The following RLF variants were observed in gnomAD, a reference collection of about 807,000 sequenced individuals.
RLF encodes the protein zinc finger protein Rlf.
In RLF, 7 loss-of-function variants were observed where a neutral mutation model predicts 162.9. The observed-to-expected ratio is 0.04, with a 90% CI of 0.02 to 0.08. The LOEUF is 0.08. Among genes scored for constraint, RLF ranks in the 10% least tolerant of loss-of-function variants. The probability of loss-of-function intolerance (pLI) is 1.00; values close to 1 mark genes in which losing one functional copy is unlikely to be tolerated. For synonymous variants in RLF, 782 were observed against 791.5 expected (o/e 0.99, Z 0.20); for missense variants, 1,664 against 2,244.7 (o/e 0.74, Z 5.23).
In RLF at chr1:40,240,780, A is replaced by C. The variant is rs1366198958; in HGVS notation, c.*333A>C. The C allele has an allele frequency of 4.6e-6, 1 of 218,602 alleles. No individual in the cohort carries two copies. The highest frequency in any genetic ancestry group is 9.1e-6 in the Non-Finnish European group (1 of 109,400). The allele number at this position is 218,602 out of a possible 1,614,324, so 13.5% of individuals were successfully genotyped here. On this transcript the variant is annotated 3_prime_UTR_variant, in exon 8 of 8. Coordinates refer to ENST00000372771, the MANE Select transcript of RLF (RefSeq NM_012421.4). ...TATATGGAACAAATACTAAGGTCCC[A>C]GGGTGGGAGGGCTAGGGAAAGGGAT...
intron 4 of RLF, 83 bp downstream of exon 4, chr1:40,195,847 C>T: frequency 7.9e-7 from 1 of 1,259,912 alleles, no homozygotes; most frequent in Non-Finnish European, 1.1e-6. Context: ...GGGAATTTAA[C>T]TTGTGTATAT....
intron 6 of RLF, among the ~76,000 whole-genome samples, chr1:40,228,185 C>CTGAGGCAGGAGAATTGCTTGAACT (rs1643103256): frequency 6.6e-6 from 1 of 151,700 alleles, no homozygotes; most frequent in Admixed American, 6.6e-5. Flanking sequence ...ACTCAGGAGG[C>CTGAGGCAGGAGAATTGCTTGAACT]TGAGGCAGGA....
Position 40,222,557 on chromosome 1 carries a change from C to T in RLF, c.811-17C>T, listed in dbSNP as rs2124554089. On this transcript the variant is annotated splice_polypyrimidine_tract_variant and intron_variant, in intron 5 of 7. Coordinates refer to ENST00000372771, the MANE Select transcript of RLF (RefSeq NM_012421.4). ...GTCACCATTTTCTTTTTGACTTAGTCATCTCATTTTTGATAGATTGCAAAG... is the reference window on the plus strand; with the variant it reads ...GTCACCATTTTCTTTTTGACTTAGTTATCTCATTTTTGATAGATTGCAAAG... The T allele has an allele frequency of 6.2e-7, 1 of 1,607,920 alleles. No individual in the cohort carries two copies. The highest frequency in any genetic ancestry group is 1.3e-5 in the African/African-American group (1 of 74,838).
intron 6 of RLF, among the ~76,000 whole-genome samples, chr1:40,230,485 G>T (rs1186306172): frequency 2.0e-5 from 3 of 152,074 alleles, no homozygotes; most frequent in Non-Finnish European, 4.4e-5. Flanking sequence ...AGGCTGGAGT[G>T]CAGTGGCGCT....
chr1:40,236,364 G>C lies in RLF; in HGVS notation c.1662G>C (p.Lys554Asn). Residue 554 changes from lysine (K) to asparagine (N), a missense_variant, in exon 8 of 8, where the codon AAG (lysine) becomes AAC (asparagine). By Grantham distance (94) the Lys-to-Asn change is moderately conservative (BLOSUM62 0). Transcript: ENST00000372771. The surrounding 1 kb of genome is among the most constrained non-coding windows in gnomAD (Gnocchi z 7.7). ...GATATCAGAGGTGGCTTCAGTACAA[G>C]TTTTTCTGTTTGTTATGTAAGCGGG... ...SERYQRWLQY[K>N]FFCLLCKREC... 1 of 1,613,980 alleles carries C rather than the reference G, an allele frequency of 6.2e-7. No individual in the cohort carries two copies. The highest frequency in any genetic ancestry group is 8.5e-7 in the Non-Finnish European group (1 of 1,179,980).
chr1:40,203,263 C>T (rs564469734), intron 5 of RLF, among the ~76,000 whole-genome samples: 447 of 151,826 alleles, frequency 2.9e-3, no homozygotes, highest in African/African-American at 0.01. Flanking sequence ...TAAAGGCATG[C>T]GCCACCATGC....
chr1:40,174,368 C>CT (rs1328940638), intron 1 of RLF, among the ~76,000 whole-genome samples: 1 of 146,252 alleles, frequency 6.8e-6, no homozygotes, highest in African/African-American at 2.7e-5. Flanking sequence ...GAGACTCTGT[C>CT]TCAAAAAAAA....
intron 7 of RLF, among the ~76,000 whole-genome samples, chr1:40,234,037 T>G: frequency 6.6e-6 from 1 of 152,294 alleles, no homozygotes; most frequent in East Asian, 1.9e-4. Flanking sequence ...CAACCTCCGC[T>G]TCCCAGGTTC....
At position 40,238,420 on chromosome 1, in the gene RLF, G is replaced by C; in HGVS notation, c.3718G>C (p.Glu1240Gln). 2 of 1,614,132 alleles carry C rather than the reference G, an allele frequency of 1.2e-6. No homozygotes were observed. Among genetic ancestry groups the C allele is most frequent in the Non-Finnish European group, 1.7e-6 (2 of 1,180,012 alleles). ...TGGAGGTGATCCCAGTAGTAACTCT[G>C]AGAAACCACACTGTCATCCTAAAAA... ...ELGGDPSSNS[E>Q]KPHCHPKKDE... The change falls in exon 8 of 8, where the codon GAG (glutamate) becomes CAG (glutamine). Residue 1240 changes from glutamate (E) to glutamine (Q), a missense_variant. Physicochemically the swap from Glu to Gln is conservative, Grantham distance 29. Around this residue, in one of 15 missense-constraint regions of RLF, gnomAD observed 102 missense variants for 109.5 expected, o/e 0.93. Transcript: ENST00000372771. This position sits in a 1 kb window ranked among gnomAD's most constrained non-coding sequence, Gnocchi z 5.2.
intron 1 of RLF, among the ~76,000 whole-genome samples, chr1:40,185,843 C>CAAAAAAAAAAAAAAAA (rs33982008): frequency 1.2e-4 from 8 of 67,526 alleles, no homozygotes; most frequent in Non-Finnish European, 1.6e-4. Context: ...AAAAAAAAAG[C>CAAAAAAAAAAAAAAAA]AAAAAAAAAA....
intron 5 of RLF, among the ~76,000 whole-genome samples, chr1:40,202,990 C>G (rs566884479): frequency 7.3e-5 from 11 of 151,572 alleles, no homozygotes; most frequent in East Asian, 5.8e-4. Context: ...TTAATTTTAG[C>G]TTAAGTTACT....
chr1:40,174,799 A>G (rs1642296829), intron 1 of RLF, among the ~76,000 whole-genome samples: 2 of 152,162 alleles, frequency 1.3e-5, no homozygotes, highest in African/African-American at 4.8e-5. Context: ...GAAACTACTG[A>G]TTAGAACTGA....
intron 5 of RLF, among the ~76,000 whole-genome samples, chr1:40,204,755 C>T (rs1466065982): frequency 6.6e-6 from 1 of 152,034 alleles, no homozygotes; most frequent in Non-Finnish European, 1.5e-5. Context: ...CATTCTCCCA[C>T]TCTTAGATAG....
chr1:40,209,646 G>A (rs1018602597), intron 5 of RLF, among the ~76,000 whole-genome samples: 1 of 152,174 alleles, frequency 6.6e-6, no homozygotes, highest in African/African-American at 2.4e-5. Context: ...GGGAGGCCGA[G>A]GCGGGCAGAT....
At chr1:40,182,603 GA>G (rs1027458786) in intron 1 of RLF, among the ~76,000 whole-genome samples, 1 of 152,062 alleles carries the variant, frequency 6.6e-6, no homozygotes, top group African/African-American at 2.4e-5. Flanking sequence ...AGGCATTTTT[GA>G]AAATTGAAAA....
chr1:40,173,201 T>C (rs551622552), intron 1 of RLF, among the ~76,000 whole-genome samples: 1 of 151,838 alleles, frequency 6.6e-6, no homozygotes, highest in East Asian at 1.9e-4. Flanking sequence ...CTCAGCCTCT[T>C]GAGTAGCTGG....
chr1:40,205,485 C>CCTTTTTTTTTTTT (rs990825771), intron 5 of RLF, among the ~76,000 whole-genome samples: 1 of 107,060 alleles, frequency 9.3e-6, no homozygotes, highest in African/African-American at 3.8e-5. Context: ...TTCCTTCCTT[C>CCTTTTTTTTTTTT]TTTTTTTTTT....
chr1:40,179,942 C>G (rs910188321), intron 1 of RLF, among the ~76,000 whole-genome samples: 1 of 152,154 alleles, frequency 6.6e-6, no homozygotes, highest in Non-Finnish European at 1.5e-5. Flanking sequence ...CCCTTTAAGA[C>G]TGAATAATAC....
intron 3 of RLF, among the ~76,000 whole-genome samples, chr1:40,194,096 C>T (rs1642596959): frequency 6.6e-6 from 1 of 152,090 alleles, no homozygotes; most frequent in Non-Finnish European, 1.5e-5. Context: ...ACTCCTTTTC[C>T]CTCACCCTTG....
Sources: allele counts gnomAD v4.1 joint callset (sites outside exome capture counted in the v4.1 genomes callset), GRCh38; gene constraint gnomAD v4.1.1; regional missense constraint gnomAD v4.1.1; non-coding constraint Gnocchi (gnomAD v3.1); transcripts MANE v1.5; gene names NCBI Gene and HGNC (gene_info 2026-07-23, HGNC 2026-07-21).